Variants in NT5C2 observed in about 807,000 individuals in gnomAD.
NT5C2 encodes the protein 5'-nucleotidase, cytosolic II.
In NT5C2, 58 loss-of-function variants were observed where a neutral mutation model predicts 76.1. The ratio of observed to expected loss-of-function variants is 0.76; its 90% CI spans 0.62 to 0.95. NT5C2 has a LOEUF of 0.95. NT5C2 is among the 40% of genes least tolerant of loss of function. The probability of loss-of-function intolerance (pLI) is 0.00; values close to 1 mark genes in which losing one functional copy is unlikely to be tolerated. For missense variants in NT5C2, 478 were observed against 690.3 expected (o/e 0.69, Z 3.45); for synonymous variants, 229 against 237.4 (o/e 0.96, Z 0.32).
In NT5C2 at chr10:103,193,250, C is replaced by CAACAATCCCAGCGCACG. The variant is rs2092790720; in HGVS notation, c.-184_-183insCGTGCGCTGGGATTGTT. The CAACAATCCCAGCGCACG allele has an allele frequency of 1.3e-5, 2 of 151,430 alleles. No homozygotes were observed. The highest frequency in any genetic ancestry group is 3.0e-5 in the Non-Finnish European group (2 of 67,562). The allele number at this position is 151,430 out of a possible 1,614,324, so 9.4% of individuals were successfully genotyped here. ...GCCGCACTCACCGGCTCCAGCGCACCGCAACAATCCCAGCGCGCAACTGCC... is the reference window on the plus strand; with the variant it reads ...GCCGCACTCACCGGCTCCAGCGCACCAACAATCCCAGCGCACGGCAACAATCCCAGCGCGCAACTGCC... On this transcript the variant is annotated 5_prime_UTR_variant, in exon 1 of 19. Coordinates refer to ENST00000404739, the MANE Select transcript of NT5C2 (RefSeq NM_001351169.2).
chr10:103,130,573 A>T (rs551421443), intron 4 of NT5C2, among the ~76,000 whole-genome samples: 94 of 102,290 alleles, frequency 9.2e-4, no homozygotes, highest in African/African-American at 3.3e-3. Flanking sequence ...TTTAAAAAAA[A>T]AATAAAAATT....
chr10:103,097,166 CTT>C (rs1303029383), intron 11 of NT5C2, 123 bp downstream of exon 11: 3 of 714,524 alleles, frequency 4.2e-6, no homozygotes, highest in African/African-American at 3.6e-5. Context: ...CCTTTTTACT[CTT>C]TGAAAATGAG....
chr10:103,136,279 G>T (rs1232436734), intron 4 of NT5C2, among the ~76,000 whole-genome samples: 1 of 152,142 alleles, frequency 6.6e-6, no homozygotes, highest in Non-Finnish European at 1.5e-5. Context: ...CTTGGTTCAG[G>T]TATATCATAA....
intron 3 of NT5C2, among the ~76,000 whole-genome samples, chr10:103,141,384 C>A (rs1208184039): frequency 6.6e-6 from 1 of 152,018 alleles, no homozygotes; most frequent in African/African-American, 2.4e-5. Flanking sequence ...CTTGAGTCTA[C>A]GAGATCAAGG....
chr10:103,151,399 G>A (rs953368744), intron 3 of NT5C2, among the ~76,000 whole-genome samples: 3 of 151,680 alleles, frequency 2.0e-5, no homozygotes, highest in African/African-American at 7.3e-5. Flanking sequence ...TGGAGGTGGA[G>A]GTTGCGGTGA....
chr10:103,105,452 C>A, intron 6 of NT5C2: 1 of 645,048 alleles, frequency 1.6e-6, no homozygotes, highest in South Asian at 2.7e-5. Flanking sequence ...TTCTTCTGGG[C>A]AAGTTTTAAG....
chr10:103,090,902 TTCC>T, intron 17 of NT5C2, 31 bp downstream of exon 17: 1 of 1,607,842 alleles, frequency 6.2e-7, no homozygotes, highest in Non-Finnish European at 8.5e-7. Context: ...TTAAACTTAT[TTCC>T]CAAGTTTTCT....
rs762746568 is a variant in NT5C2, at chr10:103,089,009, T to A, written c.*663A>T. 1 of 211,938 alleles carries A rather than the reference T, an allele frequency of 4.7e-6. No individual in the cohort carries two copies. The highest frequency in any genetic ancestry group is 9.6e-6 in the Non-Finnish European group (1 of 104,502). 13.1% of individuals were successfully genotyped at this position (211,938 alleles called of 1,614,324 possible). A position where few individuals can be genotyped will look rare whatever the true frequency, so the allele number is the denominator to read the frequency against. Reference sequence around the variant, plus strand: ...GTTGTTTTTGGATAACAAATAAGCATTTGTGCTATTAAACAAACAAAAGGT... The same window carrying A: ...GTTGTTTTTGGATAACAAATAAGCAATTGTGCTATTAAACAAACAAAAGGT... On this transcript the variant is annotated 3_prime_UTR_variant, in exon 19 of 19. Coordinates refer to ENST00000404739, the MANE Select transcript of NT5C2 (RefSeq NM_001351169.2).
chr10:103,100,192 A>T (rs1234983487), intron 8 of NT5C2, among the ~76,000 whole-genome samples, 173 bp from the exon 9 acceptor site: 2 of 152,250 alleles, frequency 1.3e-5, no homozygotes. Flanking sequence ...AGAAATGGCT[A>T]TAGTGTTCAA....
intron 3 of NT5C2, among the ~76,000 whole-genome samples, chr10:103,147,503 G>A (rs555615911): frequency 2.6e-5 from 4 of 152,306 alleles, no homozygotes; most frequent in Non-Finnish European, 4.4e-5. Flanking sequence ...TGACAGTAAT[G>A]TCTCTGGGTC....
At chr10:103,093,390 A>AT in intron 14 of NT5C2, 81 bp from the exon 15 acceptor site, 2 of 1,202,890 alleles carry the variant, frequency 1.7e-6, no homozygotes, top group Non-Finnish European at 2.3e-6. Context: ...ATTAAATACT[A>AT]TGATTCATTT....
chr10:103,142,651 G>C (rs1041045354), intron 3 of NT5C2, among the ~76,000 whole-genome samples: 4 of 151,602 alleles, frequency 2.6e-5, no homozygotes, highest in African/African-American at 7.3e-5. Context: ...ATGGGTGACA[G>C]AGTAAGACCC....
intron 4 of NT5C2, among the ~76,000 whole-genome samples, chr10:103,106,941 T>C (rs913748807): frequency 9.2e-5 from 14 of 152,220 alleles, no homozygotes; most frequent in African/African-American, 3.4e-4. Context: ...AGCTGAATTA[T>C]CAAATTATTC....
intron 3 of NT5C2, among the ~76,000 whole-genome samples, chr10:103,167,900 C>T (rs778400558): frequency 1.4e-4 from 22 of 152,126 alleles, no homozygotes; most frequent in Non-Finnish European, 2.8e-4. Context: ...TCCCAAAGTG[C>T]TAGGATCACA....
intron 4 of NT5C2, among the ~76,000 whole-genome samples, chr10:103,119,234 T>C (rs2075117841): frequency 6.6e-6 from 1 of 152,108 alleles, no homozygotes; most frequent in African/African-American, 2.4e-5. Flanking sequence ...CCAGGCATGG[T>C]GGCACATGCC....
At chr10:103,161,899 G>A (rs970397238) in intron 3 of NT5C2, among the ~76,000 whole-genome samples, 1 of 152,134 alleles carries the variant, frequency 6.6e-6, no homozygotes, top group African/African-American at 2.4e-5. Flanking sequence ...ACGTGGAGTG[G>A]ACTACTAATG....
At position 103,088,925 on chromosome 10, in the gene NT5C2, G is replaced by A. The variant is rs1436973300; in HGVS notation, c.*747C>T. 4.7e-6 allele frequency: 1 copy of A among 212,544 alleles called. No homozygotes were observed. Among genetic ancestry groups the A allele is most frequent in the African/African-American group, 2.3e-5 (1 of 44,160 alleles). The allele number at this position is 212,544 out of a possible 1,614,324, so 13.2% of individuals were successfully genotyped here. On this transcript the variant is annotated 3_prime_UTR_variant, in exon 19 of 19. Transcript: ENST00000404739. ...TCTTCCCTTTCTTTTCTGGGGGCTT[G>A]TTCCTTTGTCCACTTGCAGCTAAAT...
intron 4 of NT5C2, among the ~76,000 whole-genome samples, chr10:103,118,361 C>CA (rs2074865426): frequency 7.3e-6 from 1 of 137,792 alleles, no homozygotes; most frequent in South Asian, 2.3e-4. Context: ...ATTTCTTTTC[C>CA]TTTTTTTTTT....
At chr10:103,132,421 ATACTG>A (rs1320247639) in intron 4 of NT5C2, among the ~76,000 whole-genome samples, 1 of 152,234 alleles carries the variant, frequency 6.6e-6, no homozygotes, top group Non-Finnish European at 1.5e-5. Context: ...TCAACTAATA[ATACTG>A]TACTGGTGTT....
Sources: allele counts gnomAD v4.1 joint callset (sites outside exome capture counted in the v4.1 genomes callset), GRCh38; gene constraint gnomAD v4.1.1; transcripts MANE v1.5; gene names NCBI Gene and HGNC (gene_info 2026-07-23, HGNC 2026-07-21).